The following SIVA1 variants were observed in gnomAD, a reference collection of about 807,000 sequenced individuals.
SIVA1 encodes SIVA1 apoptosis inducing factor.
In SIVA1, 10 loss-of-function variants were observed where a neutral mutation model predicts 19.7. The ratio of observed to expected loss-of-function variants is 0.51; its 90% CI spans 0.31 to 0.86. The LOEUF (loss-of-function observed/expected upper bound fraction) is 0.86, where lower values mean the gene tolerates loss of function less well. SIVA1 is among the 40% of genes least tolerant of loss of function. SIVA1 has a pLI of 0.04. For synonymous variants in SIVA1, 130 were observed against 106.1 expected (o/e 1.23, Z -1.39); for missense variants, 241 against 245.2 (o/e 0.98, Z 0.11).
At position 104,753,168 on chromosome 14, in the gene SIVA1, G is replaced by T. The variant is rs754187774; in HGVS notation, c.-34G>T. 2.8e-6 allele frequency: 4 copies of T among 1,407,634 alleles called. No individual in the cohort carries two copies. The highest frequency in any genetic ancestry group is 3.8e-5 in the Admixed American group (2 of 52,022). 87.2% of individuals were successfully genotyped at this position (1,407,634 alleles called of 1,614,324 possible). On this transcript the variant is annotated 5_prime_UTR_variant, in exon 1 of 4. Transcript: ENST00000329967. ...CGGCGTCGTTGGTAAGGGGCTGGCG[G>T]CCGGGGAGCTGCGTAGCTCCCGGCC...
chr14:104,756,062 C>T (rs1680383587), intron 2 of SIVA1: 2 of 646,560 alleles, frequency 3.1e-6, no homozygotes, highest in Admixed American at 4.8e-5. Context: ...CCCCGGGTAT[C>T]CCGTCTGCTT....
Position 104,759,082 on chromosome 14 carries a change from T to A in SIVA1, c.471-346T>A, listed in dbSNP as rs1891998944. 1 of 190,916 alleles carries A rather than the reference T, an allele frequency of 5.2e-6. No individual in the cohort carries two copies. The highest frequency in any genetic ancestry group is 1.1e-5 in the Non-Finnish European group (1 of 93,162). 11.8% of individuals were successfully genotyped at this position (190,916 alleles called of 1,614,324 possible). The stretch of plus-strand genomic sequence containing the variant: ...GAAGGTGCTGGCAGGGCTGGTTCCT[T>A]CTGAGGCTGCAATGGAAAACCTGTC... On this transcript the variant is annotated intron_variant, in intron 3 of 3. Transcript: ENST00000329967. This position sits in a 1 kb window ranked among gnomAD's most constrained non-coding sequence, Gnocchi z 4.2.
chr14:104,757,082 C>T (rs1169161556), intron 3 of SIVA1: 9 of 417,676 alleles, frequency 2.2e-5, no homozygotes, highest in Middle Eastern at 6.5e-4. Flanking sequence ...CCCCTCCCCC[C>T]GTCCGAGGAG....
In SIVA1 at chr14:104,755,673, G is replaced by A. The variant is rs983951800; in HGVS notation, c.162G>A (p.Leu54=). ...RLLFLGAQAY[L]DHVWDEGCAV... The stretch of plus-strand genomic sequence containing the variant: ...TGTTCCTCGGGGCCCAGGCCTACCT[G>A]GACCACGTGTGGGATGAAGGCTGTG... The change falls in exon 2 of 4, where the codon CTG becomes CTA. Residue 54 remains leucine, a synonymous_variant. Transcript: ENST00000329967. 1.9e-6 allele frequency: 3 copies of A among 1,613,766 alleles called. No homozygotes were observed. The highest frequency in any genetic ancestry group is 1.7e-6 in the Non-Finnish European group (2 of 1,179,964).
chr14:104,753,369 G>C, intron 1 of SIVA1, 50 bp downstream of exon 1: 1 of 1,294,886 alleles, frequency 7.7e-7, no homozygotes, highest in Non-Finnish European at 1.1e-6. Context: ...GGCCTGGAAC[G>C]GGCCGGGCCT....
In SIVA1 at chr14:104,755,797, A is replaced by G. The variant is rs1231046357; in HGVS notation, c.286A>G (p.Arg96Gly). 1 of 1,613,942 alleles carries G rather than the reference A, an allele frequency of 6.2e-7. No individual in the cohort carries two copies. Among genetic ancestry groups the G allele is most frequent in the Non-Finnish European group, 8.5e-7 (1 of 1,179,978 alleles). ...GATTGGACCAGACGGCCGCCTGATC[A>G]GGAGCCTTGGGCAGGCCTCCGAAGC... ...MLIGPDGRLI[R>G]SLGQASEADP... is the part of the protein sequence containing the mutation. Residue 96 changes from arginine (R) to glycine (G), a missense_variant, in exon 2 of 4, where the codon AGG becomes GGG. Physicochemically the swap from Arg to Gly is moderately radical, Grantham distance 125 (BLOSUM62 -2). Transcript: ENST00000329967.
rs1249086435 is a variant in SIVA1, at chr14:104,756,711, A to G, written c.421A>G (p.Thr141Ala). ...AGCCCTGTGCGGGCAGTGTGTGCGC[A>G]CCTGCTGGGGCTGCGGCTCCGTGGC... is the stretch of plus-strand genomic sequence containing the variant. The part of the protein sequence containing the change: ...ERALCGQCVR[T>A]CWGCGSVACT... The change falls in exon 3 of 4, where the codon ACC (threonine) becomes GCC (alanine). Residue 141 changes from threonine to alanine, a missense_variant. Coordinates refer to ENST00000329967, the MANE Select transcript of SIVA1 (RefSeq NM_006427.4). 2 of 1,614,050 alleles carry G rather than the reference A, an allele frequency of 1.2e-6. No homozygotes were observed.
rs1421356419 is a variant in SIVA1 at position 104,756,426 on chromosome 14, C to T, written c.314-178C>T. 9.4e-6 allele frequency: 6 copies of T among 635,352 alleles called. No individual in the cohort carries two copies. In the East Asian group the frequency reaches 1.1e-4, roughly 12 times the overall value. 39.4% of individuals were successfully genotyped at this position (635,352 alleles called of 1,614,324 possible). A position where few individuals can be genotyped will look rare whatever the true frequency, so the allele number is the denominator to read the frequency against. On this transcript the variant is annotated intron_variant, in intron 2 of 3. Coordinates refer to ENST00000329967, the MANE Select transcript of SIVA1 (RefSeq NM_006427.4). ...CTCACCTTGGATCTCTGTAGTAAAA[C>T]GGGGGTCCTGTGCACTGTACCAGGC...
rs1023247287 is a variant in SIVA1 at position 104,757,372 on chromosome 14, C to T, written c.470+612C>T. 4.1e-5 allele frequency: 15 copies of T among 367,242 alleles called. No homozygotes were observed. In the East Asian group the frequency reaches 1.3e-3, roughly 31 times the overall value. The allele number at this position is 367,242 out of a possible 1,614,324, so 22.7% of individuals were successfully genotyped here. A position where few individuals can be genotyped will look rare whatever the true frequency, so the allele number is the denominator to read the frequency against. On this transcript the variant is annotated intron_variant, in intron 3 of 3. Coordinates refer to ENST00000329967, the MANE Select transcript of SIVA1 (RefSeq NM_006427.4). ...CATCCAGACACATGTGGAACTGGCT[C>T]CATAGACCCAAAGCAAGCTTAGTCC...
chr14:104,755,183 G>A (rs1226828842), intron 1 of SIVA1, among the ~76,000 whole-genome samples: 1 of 152,344 alleles, frequency 6.6e-6, no homozygotes, highest in East Asian at 1.9e-4. Flanking sequence ...CTTGGCAGGG[G>A]ACGAGTTTTG....
Position 104,756,700 on chromosome 14 carries a change from AGT to A in SIVA1, c.416_417del (p.Val139AlafsTer21). 6.2e-7 allele frequency: 1 copy of A among 1,614,168 alleles called. No homozygotes were observed. Among genetic ancestry groups the A allele is most frequent in the Non-Finnish European group, 8.5e-7 (1 of 1,180,024 alleles). On this transcript the variant is annotated frameshift_variant, in exon 3 of 4. Coordinates refer to ENST00000329967, the MANE Select transcript of SIVA1 (RefSeq NM_006427.4). LOFTEE classifies it high-confidence loss of function. ...CAGTGTGAGCGAGCCCTGTGCGGGC[AGT>A]GTGTGCGCACCTGCTGGGGCTGCGG...
At chr14:104,756,246 C>T in intron 2 of SIVA1, 1 of 445,906 alleles carries the variant, frequency 2.2e-6, no homozygotes, top group East Asian at 4.7e-5. Context: ...TCTTTGTTAA[C>T]CAGTAAGGCA....
At chr14:104,757,929 T>C (rs947800750) in intron 3 of SIVA1, 1 of 152,334 alleles carries the variant, frequency 6.6e-6, no homozygotes, top group African/African-American at 2.4e-5. Flanking sequence ...AGAGTTCACG[T>C]TGAGCTGAGT....
chr14:104,756,183 T>G, intron 2 of SIVA1: 1 of 441,162 alleles, frequency 2.3e-6, no homozygotes, highest in Non-Finnish European at 4.2e-6. Context: ...AGAAATGCAA[T>G]CCCCGACTCT....
intron 3 of SIVA1, chr14:104,757,076 T>G: frequency 5.0e-6 from 2 of 403,028 alleles, no homozygotes; most frequent in Admixed American, 4.2e-5. Flanking sequence ...GAGCCCCCCC[T>G]CCCCCCGTCC....
At position 104,753,270 on chromosome 14, in the gene SIVA1, G is replaced by A; in HGVS notation, c.69G>A (p.Arg23=). The A allele has an allele frequency of 1.9e-6, 3 of 1,601,916 alleles. No homozygotes were observed. The highest frequency in any genetic ancestry group is 1.7e-5 in the Admixed American group (1 of 59,146). ...PLQLKVRVSQ[R]ELSRGVCAER... The stretch of plus-strand genomic sequence containing the variant: ...AGCTCAAGGTCCGCGTGAGCCAGAG[G>A]GAGTTGAGCCGCGGCGTGTGCGCCG... Residue 23 remains arginine, a synonymous_variant, in exon 1 of 4, where the codon AGG becomes AGA. Transcript: ENST00000329967.
rs149750921 is a variant in SIVA1, at chr14:104,759,476, C to G, written c.519C>G (p.Phe173Leu). ...EKVLCTSCAMFET is the reference protein window; with the variant it reads ...EKVLCTSCAMLET The stretch of plus-strand genomic sequence containing the variant: ...TGCTGTGCACCAGCTGTGCCATGTT[C>G]GAGACCTGAGGCTGGCTCAAGCCGG... The change falls in exon 4 of 4, where the codon TTC becomes TTG. Residue 173 changes from phenylalanine to leucine, a missense_variant. Physicochemically the swap from Phe to Leu is conservative, Grantham distance 22. Transcript: ENST00000329967. This position sits in a 1 kb window ranked among gnomAD's most constrained non-coding sequence, Gnocchi z 4.2. 3 of 1,611,230 alleles carry G rather than the reference C, an allele frequency of 1.9e-6. No homozygotes were observed. In the South Asian group the frequency reaches 3.3e-5, roughly 18 times the overall value.
Position 104,759,303 on chromosome 14 carries a change from C to T in SIVA1, c.471-125C>T. On this transcript the variant is annotated intron_variant, in intron 3 of 3. Transcript: ENST00000329967. This position sits in a 1 kb window ranked among gnomAD's most constrained non-coding sequence, Gnocchi z 4.2. Reference sequence around the variant, plus strand: ...CTGATGATGCCCGCAGTGATCCTGTCTCCAGATAAGGTCATGTCCTGAGGT... The same window carrying T: ...CTGATGATGCCCGCAGTGATCCTGTTTCCAGATAAGGTCATGTCCTGAGGT... 1.4e-6 allele frequency: 1 copy of T among 730,202 alleles called. No individual in the cohort carries two copies. The highest frequency in any genetic ancestry group is 2.3e-6 in the Non-Finnish European group (1 of 441,930). 45.2% of individuals were successfully genotyped at this position (730,202 alleles called of 1,614,324 possible).
Position 104,755,802 on chromosome 14 carries a change from C to T in SIVA1, c.291C>T (p.Ser97=), listed in dbSNP as rs564417692. The part of the protein sequence containing the change: ...LIGPDGRLIR[S]LGQASEADPS... ...GACCAGACGGCCGCCTGATCAGGAGCCTTGGGCAGGCCTCCGAAGCTGGTG... is the reference window on the plus strand; with the variant it reads ...GACCAGACGGCCGCCTGATCAGGAGTCTTGGGCAGGCCTCCGAAGCTGGTG... Residue 97 remains serine, a synonymous_variant, in exon 2 of 4, where the codon AGC becomes AGT. Transcript: ENST00000329967. 3.1e-6 allele frequency: 5 copies of T among 1,613,730 alleles called. No homozygotes were observed. In the Admixed American group the frequency reaches 5.0e-5, roughly 16 times the overall value.
Sources: gnomAD v4.1 joint callset for allele counts (sites outside exome capture counted in the v4.1 genomes callset) on GRCh38, gnomAD v4.1.1 for gene constraint, Gnocchi (gnomAD v3.1) non-coding constraint, MANE v1.5 for transcripts, NCBI Gene and HGNC (gene_info 2026-07-23, HGNC 2026-07-21) for gene names.